PYGB: variants seen among roughly 807,000 people sequenced by gnomAD.
PYGB encodes the protein glycogen phosphorylase B.
PYGB carries 82 observed loss-of-function variants against 94.3 expected under a neutral mutation model. The observed-to-expected ratio is 0.87, with a 90% CI of 0.73 to 1.04. The LOEUF (loss-of-function observed/expected upper bound fraction) is 1.04, where lower values mean the gene tolerates loss of function less well. Among genes scored for constraint, PYGB ranks in the 50% least tolerant of loss-of-function variants. PYGB has a pLI of 0.00. For synonymous variants in PYGB, 488 were observed against 479.1 expected (o/e 1.02, Z -0.24); for missense variants, 1,132 against 1,158.2 (o/e 0.98, Z 0.33).
intron 14 of PYGB, among the ~76,000 whole-genome samples, chr20:25,286,983 T>C (rs2088423561): frequency 6.6e-6 from 1 of 152,162 alleles, no homozygotes; most frequent in African/African-American, 2.4e-5. Flanking sequence ...GGCAGCTGCA[T>C]TCCTCCTGGA....
chr20:25,262,236 T>G (rs2092915161), intron 2 of PYGB, among the ~76,000 whole-genome samples: 1 of 152,234 alleles, frequency 6.6e-6, no homozygotes, highest in Non-Finnish European at 1.5e-5. Context: ...AGAGAAAGGT[T>G]GGATTACCCG....
chr20:25,252,547 C>T (rs1233594063), intron 1 of PYGB, among the ~76,000 whole-genome samples: 2 of 152,234 alleles, frequency 1.3e-5, no homozygotes, highest in Non-Finnish European at 2.9e-5. Flanking sequence ...CCGACAGCCT[C>T]CTCAGGTTTG....
chr20:25,295,084 G>A (rs888730267), intron 18 of PYGB: 44 of 1,552,722 alleles, frequency 2.8e-5, no homozygotes, highest in Non-Finnish European at 3.7e-5. Context: ...CGTGAAGTGT[G>A]CTTCTGACTC....
Position 25,248,596 on chromosome 20 carries a change from C to T in PYGB, c.243+175C>T, listed in dbSNP as rs1477701698. 3.3e-5 allele frequency among the ~76,000 whole-genome samples: 5 copies of T among 151,292 alleles called. No individual in the cohort carries two copies. The East Asian group carries it at 1.0e-3, about 31-fold the overall frequency. ...GCCTGGAAGCCGCAGTCGGCGGGGC[C>T]CGGGCGTCCCCTGCGCAGGGCCGCG... On this transcript the variant is annotated intron_variant, in intron 1 of 19. Transcript: ENST00000216962.
chr20:25,267,728 A>G (rs2088230389), intron 2 of PYGB, among the ~76,000 whole-genome samples: 1 of 152,098 alleles, frequency 6.6e-6, no homozygotes, highest in African/African-American at 2.4e-5. Context: ...GAGACATCTC[A>G]TTATGTTGCC....
intron 19 of PYGB, 40 bp from the exon 20 acceptor site, chr20:25,296,330 C>A: frequency 1.2e-6 from 2 of 1,611,674 alleles, no homozygotes; most frequent in Non-Finnish European, 1.7e-6. Flanking sequence ...AGCCCCAAGC[C>A]CTGTGACGCC....
At chr20:25,262,610 C>T (rs1485541416) in intron 2 of PYGB, among the ~76,000 whole-genome samples, 1 of 152,048 alleles carries the variant, frequency 6.6e-6, no homozygotes, top group Non-Finnish European at 1.5e-5. Flanking sequence ...ATGACAGGAT[C>T]AAATTCACAT....
At position 25,277,249 on chromosome 20, in the gene PYGB, G is replaced by C; in HGVS notation, c.778G>C (p.Val260Leu). Reference sequence around the variant, plus strand: ...CCCGCTCCATTTCTTCTTAGTCAACGTGGGAGACTACATCGAGGCGGTCCT... The same window carrying C: ...CCCGCTCCATTTCTTCTTAGTCAACCTGGGAGACTACATCGAGGCGGTCCT... ...PNDFKLQDFNVGDYIEAVLDR... is the reference protein window; with the variant it reads ...PNDFKLQDFNLGDYIEAVLDR... The change falls in exon 7 of 20, where the codon GTG becomes CTG. Residue 260 changes from valine to leucine, a missense_variant. Physicochemically the swap from Val to Leu is conservative, Grantham distance 32. Transcript: ENST00000216962. 6.4e-7 allele frequency: 1 copy of C among 1,563,242 alleles called. No individual in the cohort carries two copies.
chr20:25,282,248 C>G (rs1343030982), intron 12 of PYGB, 101 bp downstream of exon 12: 16 of 951,978 alleles, frequency 1.7e-5, no homozygotes, highest in Non-Finnish European at 2.3e-5. Flanking sequence ...AGGCAGGAGT[C>G]TGTCCCTCAC....
Position 25,290,517 on chromosome 20 carries a change from A to C in PYGB, c.1864A>C (p.Lys622Gln). 1 of 1,611,332 alleles carries C rather than the reference A, an allele frequency of 6.2e-7. No individual in the cohort carries two copies. ...PGYHMAKLII[K>Q]LVTSIGDVVN... ...TTACCACATGGCCAAGCTGATCATC[A>C]AGTTGGTCACCTCCATCGGCGACGT... is the stretch of plus-strand genomic sequence containing the variant. The change falls in exon 16 of 20, where the codon AAG (lysine) becomes CAG (glutamine). Residue 622 changes from lysine (K) to glutamine (Q), a missense_variant. Transcript: ENST00000216962.
intron 1 of PYGB, among the ~76,000 whole-genome samples, chr20:25,254,180 G>A (rs1294196143): frequency 6.6e-6 from 1 of 152,010 alleles, no homozygotes; most frequent in Admixed American, 6.6e-5. Context: ...CCACAGTAGA[G>A]CAGTTAAACT....
Position 25,248,215 on chromosome 20 carries a change from C to G in PYGB, c.37C>G (p.Gln13Glu). ...GCTGACGGACAGCGAGAAGCGGAAGCAGATCAGCGTGCGCGGCCTGGCGGG... is the reference window on the plus strand; with the variant it reads ...GCTGACGGACAGCGAGAAGCGGAAGGAGATCAGCGTGCGCGGCCTGGCGGG... ...KPLTDSEKRK[Q>E]ISVRGLAGLG... Residue 13 changes from glutamine (Q) to glutamate (E), a missense_variant, in exon 1 of 20, where the codon CAG becomes GAG. By Grantham distance (29) the Gln-to-Glu change is conservative (BLOSUM62 2). Coordinates refer to ENST00000216962, the MANE Select transcript of PYGB (RefSeq NM_002862.4). The G allele has an allele frequency of 6.3e-7, 1 of 1,594,972 alleles. No homozygotes were observed. Among genetic ancestry groups the G allele is most frequent in the Non-Finnish European group, 8.5e-7 (1 of 1,171,444 alleles).
At chr20:25,286,642 G>A (rs2088420549) in intron 14 of PYGB, among the ~76,000 whole-genome samples, 1 of 152,146 alleles carries the variant, frequency 6.6e-6, no homozygotes, top group Non-Finnish European at 1.5e-5. Flanking sequence ...CCCAGCCTGT[G>A]GCTGCGCCTC....
chr20:25,281,984 G>A (rs774285035), intron 11 of PYGB, 49 bp from the exon 12 acceptor site: 2 of 1,484,414 alleles, frequency 1.3e-6, no homozygotes, highest in African/African-American at 1.4e-5. Context: ...TTGCTCACCT[G>A]GTGCAGGGCA....
intron 3 of PYGB, among the ~76,000 whole-genome samples, chr20:25,270,302 C>T (rs1053324449): frequency 6.7e-6 from 1 of 150,336 alleles, no homozygotes; most frequent in Non-Finnish European, 1.5e-5. Flanking sequence ...CCCGGTTTCA[C>T]GCCATTCTCC....
intron 1 of PYGB, among the ~76,000 whole-genome samples, chr20:25,256,641 G>A (rs1468759966): frequency 3.3e-5 from 5 of 152,252 alleles, no homozygotes; most frequent in African/African-American, 1.2e-4. Flanking sequence ...TTAGAGCAGA[G>A]CTGCTGAGCA....
chr20:25,258,282 A>G (rs759429098), intron 1 of PYGB, among the ~76,000 whole-genome samples: 2 of 152,310 alleles, frequency 1.3e-5, no homozygotes, highest in East Asian at 1.9e-4. Flanking sequence ...GTGGTCAGCT[A>G]TCTCCACTGT....
intron 17 of PYGB, among the ~76,000 whole-genome samples, chr20:25,293,433 C>T (rs1007984516): frequency 0.016 from 4 of 246 alleles, no homozygotes; most frequent in South Asian, 0.5. Flanking sequence ...ATGATCTGGA[C>T]GTCATGAGGA....
intron 18 of PYGB, chr20:25,294,992 A>AC: frequency 2.5e-6 from 4 of 1,614,196 alleles, no homozygotes; most frequent in Non-Finnish European, 3.4e-6. Context: ...CTCTGACCAC[A>AC]TGCTGGGATC....
Sources: gnomAD v4.1 joint callset for allele counts (sites outside exome capture counted in the v4.1 genomes callset) on GRCh38, gnomAD v4.1.1 for gene constraint, MANE v1.5 for transcripts, NCBI Gene and HGNC (gene_info 2026-07-23, HGNC 2026-07-21) for gene names.